PLEKHG1: variants seen among roughly 807,000 people sequenced by gnomAD.
PLEKHG1 encodes the protein pleckstrin homology domain-containing family G member 1.
Under a neutral mutation model 100.8 loss-of-function variants are expected in PLEKHG1, and 44 were observed. The observed-to-expected ratio is 0.44, with a 90% CI of 0.34 to 0.56. The LOEUF is 0.56. PLEKHG1 is among the 20% of genes least tolerant of loss of function. PLEKHG1 has a pLI of 0.01. For synonymous variants in PLEKHG1, 640 were observed against 662.5 expected (o/e 0.97, Z 0.52); for missense variants, 1,545 against 1,720.9 (o/e 0.90, Z 1.81).
chr6:150,809,517 G>A lies in PLEKHG1; in HGVS notation c.1191+41G>A, dbSNP rs750161112. On this transcript the variant is annotated intron_variant, in intron 9 of 15. Coordinates refer to ENST00000358517, the Ensembl canonical transcript of PLEKHG1. ...TGGCCTCTCCGCAAGGCCCCTTTGT[G>A]TAATGATGAGTGCTGTGTACCATGT... 3.3e-6 allele frequency: 5 copies of A among 1,532,406 alleles called. No homozygotes were observed. The Admixed American group carries it at 5.0e-5, about 15-fold the overall frequency. The allele number at this position is 1,532,406 out of a possible 1,614,324, so 94.9% of individuals were successfully genotyped here.
At chr6:150,646,358 T>C (rs1778498422) in intron 2 of PLEKHG1, among the ~76,000 whole-genome samples, 1 of 152,090 alleles carries the variant, frequency 6.6e-6, no homozygotes, top group Non-Finnish European at 1.5e-5. Flanking sequence ...TGCCAATCCA[T>C]GAACTAATCA....
intron 1 of PLEKHG1, among the ~76,000 whole-genome samples, chr6:150,731,435 T>C (rs1389922815): frequency 6.6e-6 from 1 of 152,212 alleles, no homozygotes; most frequent in Non-Finnish European, 1.5e-5. Context: ...ACTTTAATAT[T>C]TGCATCATTT....
chr6:150,717,537 A>T (rs1217731352), upstream of PLEKHG1, among the ~76,000 whole-genome samples: 1 of 152,148 alleles, frequency 6.6e-6, no homozygotes, highest in Non-Finnish European at 1.5e-5. Context: ...ATTAGGCCAG[A>T]AGGCCACCTG....
chr6:150,694,037 GGCTTTGAATCCTT>G (rs763148466), intron 3 of PLEKHG1, among the ~76,000 whole-genome samples: 154 of 152,318 alleles, frequency 1.0e-3, no homozygotes, highest in Non-Finnish European at 1.9e-3. Flanking sequence ...TTACATGGGA[GGCTTTGAATCCTT>G]GACTGTGATC....
intron 1 of PLEKHG1, among the ~76,000 whole-genome samples, chr6:150,603,830 T>C (rs1252310241): frequency 6.6e-6 from 1 of 152,222 alleles, no homozygotes; most frequent in African/African-American, 2.4e-5. Flanking sequence ...TCCATAACTC[T>C]CCTCTTCTTT....
chr6:150,764,388 G>A (rs560949642), intron 2 of PLEKHG1, among the ~76,000 whole-genome samples: 1 of 152,202 alleles, frequency 6.6e-6, no homozygotes, highest in Admixed American at 6.5e-5. Context: ...CAAAGTATTG[G>A]GATTACAGGC....
intron 1 of PLEKHG1, among the ~76,000 whole-genome samples, chr6:150,634,088 C>CA (rs151328669): frequency 0.14 from 21,011 of 149,510 alleles, 1,525 homozygotes; most frequent in South Asian, 0.19. Flanking sequence ...CTAACAACAA[C>CA]AAAAAAAAAT....
intron 2 of PLEKHG1, among the ~76,000 whole-genome samples, chr6:150,644,630 G>A (rs1052526024): frequency 1.3e-5 from 2 of 151,884 alleles, no homozygotes; most frequent in Non-Finnish European, 2.9e-5. Context: ...GTGCCCAGCC[G>A]ATAGTGTTTT....
intron 2 of PLEKHG1, among the ~76,000 whole-genome samples, chr6:150,735,321 G>A (rs1349133244): frequency 6.6e-6 from 1 of 152,124 alleles, no homozygotes; most frequent in Admixed American, 6.5e-5. Context: ...AGCTACACTT[G>A]CTTTGCTGCC....
chr6:150,622,025 CCTTA>C (rs1777320794), intron 1 of PLEKHG1, among the ~76,000 whole-genome samples: 2 of 152,106 alleles, frequency 1.3e-5, no homozygotes, highest in African/African-American at 2.4e-5. Context: ...GCTCTGATTC[CCTTA>C]CTTCTCCCTA....
At position 150,680,157 on chromosome 6, in the gene PLEKHG1, T is replaced by G. The variant is rs371557847; in HGVS notation, c.-99+29371T>G. Among the ~76,000 whole-genome samples, 83 of 152,274 alleles carry G rather than the reference T, an allele frequency of 5.5e-4. No individual in the cohort carries two copies. In the South Asian group the frequency reaches 0.014, roughly 26 times the overall value. ...CATTTGAATGATCATGGCACTATAG[T>G]TCTCCCCTCCAGAGAATATTTAGTA... On this transcript the variant is annotated intron_variant, in intron 3 of 3. Coordinates refer to the PLEKHG1 transcript ENST00000367326.
At chr6:150,686,398 G>T (rs1188185107) in intron 3 of PLEKHG1, among the ~76,000 whole-genome samples, 2 of 152,136 alleles carry the variant, frequency 1.3e-5, no homozygotes, top group South Asian at 2.1e-4. Flanking sequence ...GAAAAACAAT[G>T]CCTGAAAGCT....
chr6:150,677,073 T>A lies in PLEKHG1; in HGVS notation c.-99+26287T>A, dbSNP rs1779780446. Among the ~76,000 whole-genome samples the A allele has an allele frequency of 3.3e-5, 5 of 152,192 alleles. No homozygotes were observed. In the South Asian group the frequency reaches 8.3e-4, roughly 25 times the overall value. On this transcript the variant is annotated intron_variant, in intron 3 of 3. Transcript: ENST00000367326. ...TATCCAGGCTGCCACCACCTCTTCCTTAGCAGGTGTCTATCTCCATACTTG... is the reference window on the plus strand; with the variant it reads ...TATCCAGGCTGCCACCACCTCTTCCATAGCAGGTGTCTATCTCCATACTTG...
chr6:150,837,318 T>G (rs1777283086), intron 15 of PLEKHG1, among the ~76,000 whole-genome samples: 1 of 152,066 alleles, frequency 6.6e-6, no homozygotes, highest in African/African-American at 2.4e-5. Context: ...CAGAAAAGGA[T>G]TCAAGTAAGG....
At chr6:150,639,951 A>G (rs1236413363) in intron 2 of PLEKHG1, among the ~76,000 whole-genome samples, 1 of 152,268 alleles carries the variant, frequency 6.6e-6, no homozygotes, top group East Asian at 1.9e-4. Flanking sequence ...GGAGGTTTCT[A>G]CGCAACTCTG....
chr6:150,724,179 C>T (rs1781839063), intron 1 of PLEKHG1, among the ~76,000 whole-genome samples: 1 of 152,342 alleles, frequency 6.6e-6, no homozygotes, highest in African/African-American at 2.4e-5. Context: ...GTTTCTGCCA[C>T]ATCTGGGTTC....
chr6:150,698,587 G>A (rs1780643188), intron 3 of PLEKHG1, among the ~76,000 whole-genome samples: 1 of 133,422 alleles, frequency 7.5e-6, no homozygotes, highest in African/African-American at 2.5e-5. Context: ...ATACAGTAAC[G>A]GGAGCTGCTA....
intron 3 of PLEKHG1, among the ~76,000 whole-genome samples, chr6:150,712,270 A>G (rs1781268678): frequency 6.6e-6 from 1 of 152,122 alleles, no homozygotes; most frequent in Non-Finnish European, 1.5e-5. Context: ...GCTTCAAACT[A>G]TTGATGCCTC....
chr6:150,740,437 C>T (rs376632412), intron 2 of PLEKHG1, among the ~76,000 whole-genome samples: 2 of 152,350 alleles, frequency 1.3e-5, no homozygotes, highest in African/African-American at 4.8e-5. Flanking sequence ...AGAAAGAAGG[C>T]TGTTGAGAAG....
Sources: gnomAD v4.1 joint callset for allele counts (sites outside exome capture counted in the v4.1 genomes callset) on GRCh38, gnomAD v4.1.1 for gene constraint, MANE v1.5 for transcripts, NCBI Gene and HGNC (gene_info 2026-07-23, HGNC 2026-07-21) for gene names.